GLIS3: variants seen among roughly 807,000 people sequenced by gnomAD.
GLIS3 encodes the protein GLIS family zinc finger 3, also known as zinc finger protein GLIS3.
In GLIS3, 53 loss-of-function variants were observed where a neutral mutation model predicts 78.6. That is an observed-to-expected ratio of 0.67 (90% CI 0.54 to 0.85). The LOEUF is 0.85. GLIS3 is among the 40% of genes least tolerant of loss of function. GLIS3 has a pLI of 0.00. For synonymous variants in GLIS3, 684 were observed against 509.9 expected, an observed-to-expected ratio of 1.34 and a Z score of -4.60; for missense variants, 1,703 against 1,231.1, an observed-to-expected ratio of 1.38 and a Z score of -5.74.
chr9:4,214,769 A>G (rs1189716179), intron 2 of GLIS3, among the ~76,000 whole-genome samples: 2 of 152,216 alleles, frequency 1.3e-5, no homozygotes, highest in Non-Finnish European at 2.9e-5. Flanking sequence ...GTGGCTTGTT[A>G]CACCATTGAG....
chr9:4,143,449 C>G (rs758207419), intron 2 of GLIS3, among the ~76,000 whole-genome samples: 11 of 151,986 alleles, frequency 7.2e-5, no homozygotes, highest in Non-Finnish European at 1.3e-4. Flanking sequence ...TGCCTGTAAT[C>G]CCAGCTACTC....
At chr9:4,032,227 G>C (rs1005621605) in intron 4 of GLIS3, among the ~76,000 whole-genome samples, 6 of 152,144 alleles carry the variant, frequency 3.9e-5, no homozygotes, top group Admixed American at 3.9e-4. Context: ...CAAAAGTGCA[G>C]GTGAACATTT....
intron 4 of GLIS3, among the ~76,000 whole-genome samples, chr9:4,046,251 C>G (rs1825239411): frequency 6.6e-6 from 1 of 152,172 alleles, no homozygotes; most frequent in Non-Finnish European, 1.5e-5. Flanking sequence ...CTATTCTTGA[C>G]CTGCCCAGTT....
intron 2 of GLIS3, among the ~76,000 whole-genome samples, chr9:4,178,714 T>C (rs1005196685): frequency 1.8e-4 from 28 of 152,210 alleles, no homozygotes; most frequent in East Asian, 5.8e-4. Context: ...TTAGAGCGTA[T>C]AGAATTTTTC....
At chr9:3,867,880 G>A (rs1458065134) in intron 8 of GLIS3, among the ~76,000 whole-genome samples, 1 of 152,112 alleles carries the variant, frequency 6.6e-6, no homozygotes, top group Non-Finnish European at 1.5e-5. Flanking sequence ...GTCCTCTCAT[G>A]GGATGCTAAA....
At chr9:3,879,353 A>G (rs1325326676) in intron 8 of GLIS3, 74 bp downstream of exon 8, 12 of 1,429,446 alleles carry the variant, frequency 8.4e-6, no homozygotes, top group Non-Finnish European at 1.2e-5. Context: ...AAATTCAGCA[A>G]CTGTCAAGGC....
At chr9:4,085,196 C>G (rs1014186145) in intron 4 of GLIS3, among the ~76,000 whole-genome samples, 1 of 152,116 alleles carries the variant, frequency 6.6e-6, no homozygotes, top group African/African-American at 2.4e-5. Context: ...CAAACTCCCA[C>G]CACTGTGCTT....
chr9:4,028,179 A>G (rs955071111), intron 4 of GLIS3, among the ~76,000 whole-genome samples: 1 of 152,200 alleles, frequency 6.6e-6, no homozygotes, highest in Admixed American at 6.5e-5. Flanking sequence ...CCTGACTCCA[A>G]TGCACATATA....
intron 4 of GLIS3, among the ~76,000 whole-genome samples, chr9:4,077,520 G>C (rs1211096352): frequency 6.6e-6 from 1 of 152,158 alleles, no homozygotes. Context: ...CTGCTTCTTT[G>C]TTTCTCATTT....
At chr9:4,468,808 G>A in the GLIS3 span, among the ~76,000 whole-genome samples, 1 of 152,052 alleles carries the variant, frequency 6.6e-6, no homozygotes, top group Admixed American at 6.5e-5. Context: ...AATGTAAATG[G>A]GCTAAATGCT....
chr9:4,305,863 C>T (rs1817215661), intron 4 of GLIS3: 1 of 152,180 alleles, frequency 6.6e-6, no homozygotes, highest in Non-Finnish European at 1.5e-5. Context: ...CTGATGGAAC[C>T]ACACCTGATT....
chr9:4,349,682 G>C (rs1022835340), upstream of GLIS3, among the ~76,000 whole-genome samples: 1 of 152,098 alleles, frequency 6.6e-6, no homozygotes, highest in Non-Finnish European at 1.5e-5. Context: ...GACACACAGA[G>C]CATCACTCTA....
the GLIS3 span, among the ~76,000 whole-genome samples, chr9:4,372,237 T>C: frequency 4.6e-5 from 7 of 152,216 alleles, no homozygotes; most frequent in African/African-American, 1.7e-4. Flanking sequence ...GACCCCGTGC[T>C]CAGATGGGCT....
chr9:4,332,831 C>A (rs553196609), intron 2 of GLIS3, among the ~76,000 whole-genome samples: 1 of 152,292 alleles, frequency 6.6e-6, no homozygotes, highest in South Asian at 2.1e-4. Context: ...CTACTGGGTA[C>A]TAGATACTAC....
At chr9:3,881,133 CAG>C (rs1242934913) in intron 7 of GLIS3, among the ~76,000 whole-genome samples, 2 of 152,126 alleles carry the variant, frequency 1.3e-5, no homozygotes, top group Non-Finnish European at 2.9e-5. Flanking sequence ...TAATTTTACT[CAG>C]GGGAGAAGGC....
chr9:4,261,042 G>C (rs1298083656), intron 2 of GLIS3, among the ~76,000 whole-genome samples: 2 of 152,182 alleles, frequency 1.3e-5, no homozygotes, highest in Non-Finnish European at 2.9e-5. Context: ...AGACAATGTA[G>C]TACTAGAATT....
chr9:4,256,169 C>T (rs915851020), intron 2 of GLIS3, among the ~76,000 whole-genome samples: 2 of 152,008 alleles, frequency 1.3e-5, no homozygotes, highest in African/African-American at 4.8e-5. Context: ...AGGTAAAGCA[C>T]CTCTATTAAA....
chr9:4,328,071 G>A (rs1307091004), intron 2 of GLIS3, among the ~76,000 whole-genome samples: 1 of 152,226 alleles, frequency 6.6e-6, no homozygotes, highest in Non-Finnish European at 1.5e-5. Flanking sequence ...AGGGCTGGCA[G>A]AGCCCAGCAC....
At chr9:4,456,506 G>C in the GLIS3 span, among the ~76,000 whole-genome samples, 1 of 152,156 alleles carries the variant, frequency 6.6e-6, no homozygotes, top group Non-Finnish European at 1.5e-5. Flanking sequence ...TGGCTATTCT[G>C]CTTTCTTATC....
Sources: gnomAD v4.1 joint callset for allele counts (sites outside exome capture counted in the v4.1 genomes callset) on GRCh38, gnomAD v4.1.1 for gene constraint, MANE v1.5 for transcripts, NCBI Gene and HGNC (gene_info 2026-07-23, HGNC 2026-07-21) for gene names.